The following SGCD variants were observed in gnomAD, a reference collection of about 807,000 sequenced individuals.
SGCD encodes the protein delta-sarcoglycan.
In SGCD, 18 loss-of-function variants were observed where a neutral mutation model predicts 36.6. That is an observed-to-expected ratio of 0.49 (90% CI 0.34 to 0.73). The LOEUF is 0.73. Among genes scored for constraint, SGCD ranks in the 30% least tolerant of loss-of-function variants. SGCD has a pLI of 0.01. For missense variants in SGCD, 387 were observed against 346.7 expected (o/e 1.12, Z -0.92); for synonymous variants, 133 against 130.6 (o/e 1.02, Z -0.12).
intron 3 of SGCD, among the ~76,000 whole-genome samples, chr5:156,192,034 G>A (rs1763904393): frequency 6.6e-6 from 1 of 152,176 alleles, no homozygotes; most frequent in Non-Finnish European, 1.5e-5. Context: ...ACTTTGGAAT[G>A]ATCCAAGGAG....
At chr5:155,744,978 A>T in the SGCD span, among the ~76,000 whole-genome samples, 3 of 152,252 alleles carry the variant, frequency 2.0e-5, no homozygotes, top group African/African-American at 7.2e-5. Context: ...TCTTAGAAGC[A>T]TTCAGAGAGC....
chr5:156,292,792 C>G (rs113137687), intron 3 of SGCD, among the ~76,000 whole-genome samples: 187 of 152,154 alleles, frequency 1.2e-3, no homozygotes, highest in African/African-American at 4.4e-3. Context: ...TAGTAGACAT[C>G]CTAATGGGTT....
At chr5:156,540,916 A>G (rs543893121) in intron 4 of SGCD, among the ~76,000 whole-genome samples, 1 of 152,282 alleles carries the variant, frequency 6.6e-6, no homozygotes, top group East Asian at 1.9e-4. Flanking sequence ...TCCCGCTTCC[A>G]TGGAGTTAAT....
intron 3 of SGCD, among the ~76,000 whole-genome samples, chr5:156,125,855 T>C (rs1334138862): frequency 7.0e-6 from 1 of 143,880 alleles, no homozygotes; most frequent in African/African-American, 2.6e-5. Context: ...ATTATTATTA[T>C]TATTATTATT....
At chr5:156,411,017 C>T (rs1462009847) in intron 3 of SGCD, among the ~76,000 whole-genome samples, 2 of 152,076 alleles carry the variant, frequency 1.3e-5, no homozygotes, top group Non-Finnish European at 1.5e-5. Flanking sequence ...TATAAATGCA[C>T]GACTTTAGCA....
intron 4 of SGCD, among the ~76,000 whole-genome samples, chr5:156,553,345 A>T (rs1758872835): frequency 6.6e-6 from 1 of 152,162 alleles, no homozygotes; most frequent in Non-Finnish European, 1.5e-5. Context: ...TTCTTCTTTA[A>T]GATGCTCTCA....
At position 156,767,001 on chromosome 5, in the gene SGCD, T is replaced by G. The variant is rs1757602889; in HGVS notation, c.*7611T>G. ...TGGTTCAACAACCCACCACAAAACC[T>G]TAGTAAAAGGATGAGCCAAAAATGA... On this transcript the variant is annotated 3_prime_UTR_variant, in exon 9 of 9. Transcript: ENST00000337851. The G allele has an allele frequency of 6.6e-6, 1 of 152,056 alleles. No individual in the cohort carries two copies. Among genetic ancestry groups the G allele is most frequent in the Non-Finnish European group, 1.5e-5 (1 of 68,054 alleles). The allele number at this position is 152,056 out of a possible 1,614,324, so 9.4% of individuals were successfully genotyped here.
chr5:155,915,778 A>T (rs1053748770), intron 1 of SGCD, among the ~76,000 whole-genome samples: 2 of 152,170 alleles, frequency 1.3e-5, no homozygotes, highest in Non-Finnish European at 2.9e-5. Flanking sequence ...CAGCAGAAAA[A>T]CTATATTTAA....
Position 156,159,549 on chromosome 5 carries a change from T to A in SGCD, c.-44+35530T>A, listed in dbSNP as rs897700478. Among the ~76,000 whole-genome samples the A allele has an allele frequency of 2.0e-4, 31 of 151,614 alleles. 2 individuals are homozygous for A. Among genetic ancestry groups the A allele is most frequent in the African/African-American group, 7.3e-4 (30 of 40,948 alleles). On this transcript the variant is annotated intron_variant, in intron 3 of 9. Coordinates refer to the SGCD transcript ENST00000517913. ...TTGGCTTCAGAAGAGGCTGTATTTT[T>A]TTCAGATTGTAATAACCAATTTTGG... is the stretch of plus-strand genomic sequence containing the variant.
At chr5:155,914,640 A>T (rs937025600) in intron 1 of SGCD, among the ~76,000 whole-genome samples, 3 of 152,184 alleles carry the variant, frequency 2.0e-5, no homozygotes, top group Non-Finnish European at 2.9e-5. Flanking sequence ...ACAATTTTTT[A>T]AAAACACCTC....
intron 1 of SGCD, among the ~76,000 whole-genome samples, chr5:156,041,925 G>A (rs1759645497): frequency 6.6e-6 from 1 of 152,146 alleles, no homozygotes; most frequent in Non-Finnish European, 1.5e-5. Flanking sequence ...ACTGAGAATA[G>A]CAGCCAAGGA....
rs1432069298 is a variant in SGCD at position 156,761,382 on chromosome 5, C to T, written c.*1992C>T. The T allele has an allele frequency of 1.3e-5, 2 of 152,056 alleles. No individual in the cohort carries two copies. Among genetic ancestry groups the T allele is most frequent in the Non-Finnish European group, 2.9e-5 (2 of 68,020 alleles). 9.4% of individuals were successfully genotyped at this position (152,056 alleles called of 1,614,324 possible). The stretch of plus-strand genomic sequence containing the variant: ...CTGGTCACTCTTAGGGGTGAGACCC[C>T]GTGATTGGTTGGTTTGTAGCACTAA... On this transcript the variant is annotated 3_prime_UTR_variant, in exon 9 of 9. Transcript: ENST00000337851.
intron 3 of SGCD, among the ~76,000 whole-genome samples, chr5:156,429,757 T>A (rs1773848989): frequency 6.6e-6 from 1 of 152,150 alleles, no homozygotes; most frequent in Non-Finnish European, 1.5e-5. Flanking sequence ...AAAAAGAATT[T>A]ATTTCTCCTT....
intron 3 of SGCD, among the ~76,000 whole-genome samples, chr5:156,216,517 G>A (rs1046005724): frequency 2.0e-5 from 3 of 152,240 alleles, no homozygotes; most frequent in East Asian, 1.9e-4. Context: ...TCTGTGTAAA[G>A]CATGTTAATA....
chr5:156,321,424 T>TAAACAAAC lies in SGCD; in HGVS notation c.-43-8107_-43-8106insCAAACAAA, dbSNP rs1362764919. 7.6e-5 allele frequency among the ~76,000 whole-genome samples: 9 copies of TAAACAAAC among 119,104 alleles called. No homozygotes were observed. The East Asian group carries it at 1.7e-3, about 22-fold the overall frequency. The allele number at this position is 119,104 out of a possible 152,430, so 78.1% of individuals were successfully genotyped here. ...GACAGAGCGAGACTCCGACTGAAAA[T>TAAACAAAC]AAATAAACAAATAAATAAATAAATA... On this transcript the variant is annotated intron_variant, in intron 3 of 9. Coordinates refer to the SGCD transcript ENST00000517913.
chr5:155,805,499 G>A, the SGCD span, among the ~76,000 whole-genome samples: 1 of 152,184 alleles, frequency 6.6e-6, no homozygotes, highest in African/African-American at 2.4e-5. Context: ...TTCTGGGATG[G>A]AATATTTCCT....
At chr5:156,280,499 GT>G (rs1766425955) in intron 3 of SGCD, among the ~76,000 whole-genome samples, 2 of 152,136 alleles carry the variant, frequency 1.3e-5, no homozygotes, top group African/African-American at 4.8e-5. Context: ...TGGCATTTTT[GT>G]TTCCTGGTTT....
At chr5:155,877,904 A>G (rs1755798792) in intron 1 of SGCD, among the ~76,000 whole-genome samples, 1 of 152,110 alleles carries the variant, frequency 6.6e-6, no homozygotes, top group Admixed American at 6.6e-5. Flanking sequence ...GTTAAGGTCA[A>G]ACTCTGTCTC....
At chr5:156,022,453 T>A in intron 1 of SGCD, among the ~76,000 whole-genome samples, 1 of 152,210 alleles carries the variant, frequency 6.6e-6, no homozygotes, top group Non-Finnish European at 1.5e-5. Context: ...TAAAATAGAA[T>A]AACATGTAGT....
Sources: allele counts gnomAD v4.1 joint callset (sites outside exome capture counted in the v4.1 genomes callset), GRCh38; gene constraint gnomAD v4.1.1; transcripts MANE v1.5; gene names NCBI Gene and HGNC (gene_info 2026-07-23, HGNC 2026-07-21).